The following ATG16L1 variants were observed in gnomAD, a reference collection of about 807,000 sequenced individuals.
ATG16L1 encodes autophagy-related protein 16-1.
Under a neutral mutation model 88.5 loss-of-function variants are expected in ATG16L1, and 37 were observed. The ratio of observed to expected loss-of-function variants is 0.42; its 90% CI spans 0.32 to 0.55. The LOEUF is 0.55. Among genes scored for constraint, ATG16L1 ranks in the 20% least tolerant of loss-of-function variants. The probability of loss-of-function intolerance (pLI) is 0.13; values close to 1 mark genes in which losing one functional copy is unlikely to be tolerated. For missense variants in ATG16L1, 554 were observed against 752.8 expected, an observed-to-expected ratio of 0.74 and a Z score of 3.09; for synonymous variants, 301 against 281.0, an observed-to-expected ratio of 1.07 and a Z score of -0.71.
chr2:233,285,497 C>T (rs899474741), intron 12 of ATG16L1, among the ~76,000 whole-genome samples: 11 of 152,198 alleles, frequency 7.2e-5, no homozygotes, highest in Non-Finnish European at 1.5e-4. Context: ...TGGAGCAGGG[C>T]GCAGGCTGCT....
intron 12 of ATG16L1, 50 bp downstream of exon 12, chr2:233,282,803 T>G: frequency 6.4e-7 from 1 of 1,555,614 alleles, no homozygotes; most frequent in East Asian, 2.2e-5. Flanking sequence ...TCATGTGGTG[T>G]TATCAAGGCA....
chr2:233,270,045 A>G lies in ATG16L1; in HGVS notation c.685A>G (p.Lys229Glu). Residue 229 changes from lysine (K) to glutamate (E), a missense_variant, in exon 6 of 18, where the codon AAG becomes GAG. By Grantham distance (56) the Lys-to-Glu change is moderately conservative (BLOSUM62 1). Around this residue, in one of 5 missense-constraint regions of ATG16L1, gnomAD observed 370 missense variants for 509.7 expected, o/e 0.73. Coordinates refer to ENST00000392017, the MANE Select transcript of ATG16L1 (RefSeq NM_030803.7). ...GCAGAAAGAGCTTGCAGAAGCAGCAAAGGAACCTCTACCAGTCGAACAGTA... is the reference window on the plus strand; with the variant it reads ...GCAGAAAGAGCTTGCAGAAGCAGCAGAGGAACCTCTACCAGTCGAACAGTA... Reference protein sequence around the residue: ...RLQKELAEAAKEPLPVEQDDD... With the variant: ...RLQKELAEAAEEPLPVEQDDD... The G allele has an allele frequency of 6.3e-7, 1 of 1,591,554 alleles. No homozygotes were observed. The highest frequency in any genetic ancestry group is 1.4e-5 in the African/African-American group (1 of 73,226).
At chr2:233,274,108 G>GC (rs1048142364) in intron 8 of ATG16L1, 3 of 1,424,738 alleles carry the variant, frequency 2.1e-6, no homozygotes, top group African/African-American at 1.4e-5. Flanking sequence ...GCCAATCACC[G>GC]CTTCACTGCC....
At chr2:233,254,930 T>G (rs554875112) in intron 1 of ATG16L1, among the ~76,000 whole-genome samples, 114 of 152,240 alleles carry the variant, frequency 7.5e-4, no homozygotes, top group Admixed American at 2.0e-3. Context: ...TACTGGTGCC[T>G]GTGTACCTAT....
rs35059411 is a variant in ATG16L1 at position 233,279,108 on chromosome 2, TGA to T, written c.1060+1439_1060+1440del. Among the ~76,000 whole-genome samples the T allele has an allele frequency of 6.8e-3, 1,036 of 152,126 alleles. 5 individuals carry two copies. The highest frequency in any genetic ancestry group is 0.011 in the Non-Finnish European group (742 of 67,996). ...TGGGAAGATCAATTGAGCCCAGGAG[TGA>T]GAGGCTGCTGTGAGCTCTGATCGCA... On this transcript the variant is annotated intron_variant, in intron 10 of 17. Coordinates refer to ENST00000392017, the MANE Select transcript of ATG16L1 (RefSeq NM_030803.7).
chr2:233,274,039 C>G (rs1164709861), intron 8 of ATG16L1: 4 of 1,550,352 alleles, frequency 2.6e-6, no homozygotes, highest in Non-Finnish European at 3.5e-6. Context: ...CTGATGCTGC[C>G]AGGTGAAACT....
intron 1 of ATG16L1, among the ~76,000 whole-genome samples, chr2:233,254,294 A>G (rs1037006044): frequency 6.6e-6 from 1 of 152,240 alleles, no homozygotes; most frequent in South Asian, 2.1e-4. Flanking sequence ...CGGGATGAGA[A>G]GCTAACAAGA....
In ATG16L1 at chr2:233,290,007, T is replaced by A; in HGVS notation, c.1324+33T>A. 1 of 1,605,552 alleles carries A rather than the reference T, an allele frequency of 6.2e-7. No homozygotes were observed. The highest frequency in any genetic ancestry group is 1.7e-5 in the Admixed American group (1 of 59,904). ...AATTCAGTCTCTCTGTCTGTGTATA[T>A]GCTTAGATGTTAGCGTGGAGGTGTG... On this transcript the variant is annotated intron_variant, in intron 13 of 17. Coordinates refer to ENST00000392017, the MANE Select transcript of ATG16L1 (RefSeq NM_030803.7).
chr2:233,251,692 C>T lies in ATG16L1; in HGVS notation c.-136C>T. 2 of 749,802 alleles carry T rather than the reference C, an allele frequency of 2.7e-6. No individual in the cohort carries two copies. Among genetic ancestry groups the T allele is most frequent in the Non-Finnish European group, 4.4e-6 (2 of 449,826 alleles). The allele number at this position is 749,802 out of a possible 1,614,324, so 46.4% of individuals were successfully genotyped here. A position where few individuals can be genotyped will look rare whatever the true frequency, so the allele number is the denominator to read the frequency against. ...GCCGGAAGACCGTCCCGGATGGCCT[C>T]GGGGACTGCCAGTGTGTGGAGGTGA... is the stretch of plus-strand genomic sequence containing the variant. On this transcript the variant is annotated 5_prime_UTR_variant, in exon 1 of 18. Coordinates refer to ENST00000392017, the MANE Select transcript of ATG16L1 (RefSeq NM_030803.7).
At chr2:233,255,085 T>A (rs1326972580) in intron 1 of ATG16L1, among the ~76,000 whole-genome samples, 1 of 152,170 alleles carries the variant, frequency 6.6e-6, no homozygotes, top group Non-Finnish European at 1.5e-5. Flanking sequence ...GCGATTCTTG[T>A]GCCTCAGTCT....
intron 8 of ATG16L1, chr2:233,273,999 A>C (rs755491454): frequency 3.9e-6 from 6 of 1,550,934 alleles, no homozygotes. Context: ...AGTCTGTCCG[A>C]GTCTCCCCTT....
chr2:233,254,079 A>G (rs988312433), intron 1 of ATG16L1, among the ~76,000 whole-genome samples: 1 of 152,204 alleles, frequency 6.6e-6, no homozygotes, highest in Non-Finnish European at 1.5e-5. Flanking sequence ...AAGTGCTTTC[A>G]AAGCCATCTG....
intron 6 of ATG16L1, among the ~76,000 whole-genome samples, chr2:233,271,793 C>T (rs768828621): frequency 7.9e-5 from 12 of 152,232 alleles, no homozygotes; most frequent in Non-Finnish European, 1.6e-4. Context: ...TTGCAGTTCT[C>T]CTCTCTTCCT....
At chr2:233,258,910 G>A (rs907556444) in intron 2 of ATG16L1, among the ~76,000 whole-genome samples, 1 of 152,052 alleles carries the variant, frequency 6.6e-6, no homozygotes, top group Admixed American at 6.6e-5. Flanking sequence ...GTGTTACCCA[G>A]GCTGGTCTTT....
At position 233,251,705 on chromosome 2, in the gene ATG16L1, T is replaced by G; in HGVS notation, c.-123T>G. 1.1e-5 allele frequency: 9 copies of G among 821,146 alleles called. No homozygotes were observed. Among genetic ancestry groups the G allele is most frequent in the Non-Finnish European group, 1.6e-5 (8 of 505,436 alleles). The allele number at this position is 821,146 out of a possible 1,614,324, so 50.9% of individuals were successfully genotyped here. ...CCCGGATGGCCTCGGGGACTGCCAG[T>G]GTGTGGAGGTGAGCTCCGGGATTGC... On this transcript the variant is annotated 5_prime_UTR_variant, in exon 1 of 18. Coordinates refer to ENST00000392017, the MANE Select transcript of ATG16L1 (RefSeq NM_030803.7).
intron 1 of ATG16L1, 61 bp from the exon 2 acceptor site, chr2:233,256,041 C>G: frequency 7.3e-7 from 1 of 1,370,290 alleles, no homozygotes; most frequent in Non-Finnish European, 1.0e-6. Context: ...AAGGTAGGTA[C>G]CTAGCAAGTG....
chr2:233,289,262 C>CT (rs1326800010), intron 12 of ATG16L1, among the ~76,000 whole-genome samples: 1 of 151,820 alleles, frequency 6.6e-6, no homozygotes, highest in Non-Finnish European at 1.5e-5. Flanking sequence ...GAGTTTTATC[C>CT]TTTTGGTCTT....
chr2:233,281,804 G>A (rs1698735611), intron 11 of ATG16L1, among the ~76,000 whole-genome samples: 1 of 152,182 alleles, frequency 6.6e-6, no homozygotes, highest in African/African-American at 2.4e-5. Flanking sequence ...TATCTTGATT[G>A]TCATCTCTGG....
chr2:233,263,944 G>T, intron 3 of ATG16L1, 48 bp from the exon 4 acceptor site: 2 of 1,582,544 alleles, frequency 1.3e-6, no homozygotes, highest in African/African-American at 2.7e-5. Context: ...GTTTCCAAAT[G>T]AGGTCCTAAA....
Sources: gnomAD v4.1 joint callset for allele counts (sites outside exome capture counted in the v4.1 genomes callset) on GRCh38, gnomAD v4.1.1 for gene constraint, gnomAD v4.1.1 regional missense constraint, MANE v1.5 for transcripts, NCBI Gene and HGNC (gene_info 2026-07-23, HGNC 2026-07-21) for gene names.